The following ELP4 variants were observed in gnomAD, a reference collection of about 807,000 sequenced individuals.
ELP4 encodes elongator acetyltransferase complex subunit 4.
ELP4 carries 51 observed loss-of-function variants against 48.9 expected under a neutral mutation model. The ratio of observed to expected loss-of-function variants is 1.04; its 90% CI spans 0.83 to 1.32. The LOEUF (loss-of-function observed/expected upper bound fraction) is 1.32. Ranked by LOEUF, ELP4 falls within the 40% of genes most tolerant of loss-of-function variation. The pLI is 0.00. For synonymous variants in ELP4, 210 were observed against 189.2 expected (o/e 1.11, Z -0.90); for missense variants, 519 against 514.6 (o/e 1.01, Z -0.08).
intron 9 of ELP4, among the ~76,000 whole-genome samples, chr11:31,716,591 G>A (rs1032587978): frequency 6.6e-6 from 1 of 152,196 alleles, no homozygotes; most frequent in African/African-American, 2.4e-5. Flanking sequence ...GTGATCCATT[G>A]TAGTTGACAG....
At chr11:31,680,824 A>G (rs1360650637) in intron 9 of ELP4, among the ~76,000 whole-genome samples, 1 of 152,122 alleles carries the variant, frequency 6.6e-6, no homozygotes, top group Admixed American at 6.5e-5. Flanking sequence ...TCTAAGGTAG[A>G]CTCATTTTAT....
intron 9 of ELP4, among the ~76,000 whole-genome samples, chr11:31,782,957 T>C (rs1455512833): frequency 6.6e-6 from 1 of 152,180 alleles, no homozygotes; most frequent in Non-Finnish European, 1.5e-5. Context: ...GAATCTATAA[T>C]TGCTGAAAAG....
At chr11:31,619,961 A>C (rs1250076973) in intron 5 of ELP4, among the ~76,000 whole-genome samples, 1 of 152,036 alleles carries the variant, frequency 6.6e-6, no homozygotes, top group African/African-American at 2.4e-5. Context: ...AAACCATAGC[A>C]GGTAGAAAAT....
chr11:31,708,311 T>C (rs1433444649), intron 9 of ELP4, among the ~76,000 whole-genome samples: 1 of 152,186 alleles, frequency 6.6e-6, no homozygotes, highest in Non-Finnish European at 1.5e-5. Context: ...ATGGTTTTCA[T>C]GTAAGCCCAT....
chr11:31,686,248 T>G (rs1353052048), intron 9 of ELP4, among the ~76,000 whole-genome samples: 1 of 151,992 alleles, frequency 6.6e-6, no homozygotes, highest in Non-Finnish European at 1.5e-5. Context: ...CTCTGGTCTG[T>G]TATTATTTAT....
chr11:31,550,067 A>T (rs540315590), intron 3 of ELP4, among the ~76,000 whole-genome samples: 7 of 152,160 alleles, frequency 4.6e-5, no homozygotes, highest in Non-Finnish European at 7.3e-5. Context: ...GCGCACCAGC[A>T]TGTCACATGT....
intron 9 of ELP4, chr11:31,714,591 G>A (rs1946803219): frequency 1.0e-5 from 4 of 398,312 alleles, no homozygotes; most frequent in Non-Finnish European, 1.8e-5. Context: ...AATTTTAGTG[G>A]GTTGAACAAT....
At chr11:31,710,529 A>G (rs539903003) in intron 9 of ELP4, among the ~76,000 whole-genome samples, 1 of 151,982 alleles carries the variant, frequency 6.6e-6, no homozygotes, top group Non-Finnish European at 1.5e-5. Context: ...GGAGGCTGAG[A>G]CAGGAGAATT....
At chr11:31,742,798 G>A (rs972702651) in intron 9 of ELP4, among the ~76,000 whole-genome samples, 1 of 152,142 alleles carries the variant, frequency 6.6e-6, no homozygotes, top group Non-Finnish European at 1.5e-5. Flanking sequence ...GCAAAAACAT[G>A]CCAAATTGTA....
chr11:31,788,310 T>C lies in ELP4; in HGVS notation c.*4786T>C, dbSNP rs1948822420. 3 of 225,346 alleles carry C rather than the reference T, an allele frequency of 1.3e-5. No individual in the cohort carries two copies. The highest frequency in any genetic ancestry group is 1.3e-4 in the East Asian group (2 of 15,680). The allele number at this position is 225,346 out of a possible 1,614,324, so 14.0% of individuals were successfully genotyped here. A position where few individuals can be genotyped will look rare whatever the true frequency, so the allele number is the denominator to read the frequency against. On this transcript the variant is annotated 3_prime_UTR_variant, in exon 10 of 10. Transcript: ENST00000640961. ...AGTCACAGTCTGCTTTGTTGTTGTCTGTTGATGTGTCTGTGCTCATTATTC... is the reference window on the plus strand; with the variant it reads ...AGTCACAGTCTGCTTTGTTGTTGTCCGTTGATGTGTCTGTGCTCATTATTC...
intron 9 of ELP4, among the ~76,000 whole-genome samples, chr11:31,666,583 T>A (rs1277618404): frequency 1.3e-5 from 2 of 151,540 alleles, no homozygotes; most frequent in East Asian, 3.9e-4. Context: ...TCCCAGCTAC[T>A]TAGGAGGCTG....
At chr11:31,723,135 A>G (rs1457238172) in intron 9 of ELP4, among the ~76,000 whole-genome samples, 2 of 152,184 alleles carry the variant, frequency 1.3e-5, no homozygotes, top group Non-Finnish European at 2.9e-5. Flanking sequence ...TCAAGATGCC[A>G]TGGGTCAACC....
intron 9 of ELP4, among the ~76,000 whole-genome samples, chr11:31,766,393 T>C (rs1948041658): frequency 6.6e-6 from 1 of 152,142 alleles, no homozygotes; most frequent in Non-Finnish European, 1.5e-5. Context: ...TAAATACATA[T>C]GGTTTCAGGG....
rs1948767417 is a variant in ELP4 at position 31,787,761 on chromosome 11, G to A, written c.*4237G>A. On this transcript the variant is annotated 3_prime_UTR_variant, in exon 10 of 10. Coordinates refer to ENST00000640961, the MANE Select transcript of ELP4 (RefSeq NM_019040.5). ...CAACTCTGGTGGAATAAAATTATTA[G>A]TATATTTCATGCCGGAGCAATGAAT... is the stretch of plus-strand genomic sequence containing the variant. The A allele has an allele frequency of 4.4e-6, 1 of 228,600 alleles. No individual in the cohort carries two copies. Among genetic ancestry groups the A allele is most frequent in the Non-Finnish European group, 8.7e-6 (1 of 115,184 alleles). The allele number at this position is 228,600 out of a possible 1,614,324, so 14.2% of individuals were successfully genotyped here. A position where few individuals can be genotyped will look rare whatever the true frequency, so the allele number is the denominator to read the frequency against.
intron 9 of ELP4, chr11:31,654,478 T>C (rs1366111016): frequency 2.6e-5 from 4 of 151,824 alleles, no homozygotes; most frequent in African/African-American, 4.8e-5. Context: ...AACCAGTTTT[T>C]ATTAAGTAGC....
intron 3 of ELP4, among the ~76,000 whole-genome samples, chr11:31,565,356 G>C (rs1354830938): frequency 6.6e-6 from 1 of 151,264 alleles, no homozygotes; most frequent in Non-Finnish European, 1.5e-5. Context: ...TTCTTTTGCT[G>C]TGCAGAAGCT....
intron 3 of ELP4, among the ~76,000 whole-genome samples, chr11:31,593,227 CTGTTGTTGTTGTTGT>C (rs61458094): frequency 0.63 from 94,988 of 149,914 alleles, 32,339 homozygotes; most frequent in Non-Finnish European, 0.75. Context: ...GTGAATAATA[CTGTTGTTGTTGTTGT>C]TGTTGTTGTT....
chr11:31,596,429 C>G (rs1188338221), intron 4 of ELP4, among the ~76,000 whole-genome samples: 1 of 152,102 alleles, frequency 6.6e-6, no homozygotes, highest in Non-Finnish European at 1.5e-5. Flanking sequence ...ATACATCTTT[C>G]TCATTGTTTT....
intron 9 of ELP4, among the ~76,000 whole-genome samples, chr11:31,763,001 G>A (rs552187055): frequency 6.6e-5 from 10 of 151,210 alleles, no homozygotes; most frequent in Non-Finnish European, 1.3e-4. Flanking sequence ...AAAAACAAAA[G>A]TACTTTAAAT....
Sources: allele counts gnomAD v4.1 joint callset (sites outside exome capture counted in the v4.1 genomes callset), GRCh38; gene constraint gnomAD v4.1.1; transcripts MANE v1.5; gene names NCBI Gene and HGNC (gene_info 2026-07-23, HGNC 2026-07-21).